The following ROBO1 variants were observed in gnomAD, a reference collection of about 807,000 sequenced individuals.
ROBO1 encodes roundabout guidance receptor 1.
A neutral mutation model predicts 195.9 loss-of-function variants in ROBO1; 149 were observed. That is an observed-to-expected ratio of 0.76 (90% CI 0.67 to 0.87). The LOEUF (loss-of-function observed/expected upper bound fraction) is 0.87, where lower values mean the gene tolerates loss of function less well. Ranked by LOEUF, ROBO1 falls within the 40% of genes least tolerant of loss-of-function variation. The pLI is 0.00. For missense variants in ROBO1, 1,933 were observed against 2,068.3 expected, an observed-to-expected ratio of 0.93 and a Z score of 1.27; for synonymous variants, 816 against 733.2, an observed-to-expected ratio of 1.11 and a Z score of -1.82.
chr3:78,868,566 T>C (rs534854169), intron 4 of ROBO1, among the ~76,000 whole-genome samples: 4 of 152,350 alleles, frequency 2.6e-5, no homozygotes, highest in Non-Finnish European at 5.9e-5. Context: ...TCACACACTT[T>C]AATCCATAAC....
At chr3:79,394,970 T>C (rs1228320963) in intron 2 of ROBO1, among the ~76,000 whole-genome samples, 1 of 152,118 alleles carries the variant, frequency 6.6e-6, no homozygotes, top group East Asian at 1.9e-4. Flanking sequence ...ATTAATTATT[T>C]CTGGAAGAAC....
intron 20 of ROBO1, among the ~76,000 whole-genome samples, chr3:78,647,321 CAAT>C (rs1347754968): frequency 6.6e-6 from 1 of 151,922 alleles, no homozygotes; most frequent in African/African-American, 2.4e-5. Flanking sequence ...CTGAAGTAGT[CAAT>C]AAGATCATTA....
chr3:78,772,962 C>T (rs1018554437), intron 4 of ROBO1, among the ~76,000 whole-genome samples: 1 of 151,952 alleles, frequency 6.6e-6, no homozygotes, highest in African/African-American at 2.4e-5. Flanking sequence ...ACCCTGAGGG[C>T]AAGAATTATG....
At chr3:79,655,409 A>G (rs1039652615) in intron 1 of ROBO1, among the ~76,000 whole-genome samples, 2 of 152,040 alleles carry the variant, frequency 1.3e-5, no homozygotes, top group Non-Finnish European at 2.9e-5. Flanking sequence ...CTAGAAATCT[A>G]TCTTCAAAAA....
intron 2 of ROBO1, among the ~76,000 whole-genome samples, chr3:79,441,522 T>A (rs1034242698): frequency 3.9e-5 from 6 of 152,138 alleles, no homozygotes; most frequent in Non-Finnish European, 7.4e-5. Context: ...GGCTAGAACA[T>A]GGAGCTTGAA....
chr3:78,939,786 T>C (rs1168057529), intron 3 of ROBO1, among the ~76,000 whole-genome samples: 1 of 151,390 alleles, frequency 6.6e-6, no homozygotes, highest in Non-Finnish European at 1.5e-5. Flanking sequence ...AATAATAATT[T>C]ATATTTTAAT....
At chr3:79,139,242 C>T (rs1489314571) in intron 2 of ROBO1, among the ~76,000 whole-genome samples, 1 of 152,004 alleles carries the variant, frequency 6.6e-6, no homozygotes, top group South Asian at 2.1e-4. Flanking sequence ...AATGGATAAG[C>T]CTGTGACCCA....
Position 78,661,878 on chromosome 3 carries a change from C to T in ROBO1, c.2088+115G>A. 1.6e-6 allele frequency: 2 copies of T among 1,212,484 alleles called. 1 individual carries two copies. The highest frequency in any genetic ancestry group is 3.1e-5 in the South Asian group (2 of 64,890). 75.1% of individuals were successfully genotyped at this position (1,212,484 alleles called of 1,614,324 possible). On this transcript the variant is annotated intron_variant, in intron 15 of 30. Coordinates refer to ENST00000464233, the MANE Select transcript of ROBO1 (RefSeq NM_002941.4). ...TAGCTACTGTAATAAACAGTGCTTA[C>T]ACTATAAAGTTATCATTAATGTACA...
chr3:79,415,542 A>G (rs2037965660), intron 2 of ROBO1, among the ~76,000 whole-genome samples: 1 of 152,126 alleles, frequency 6.6e-6, no homozygotes, highest in South Asian at 2.1e-4. Context: ...CTTGTCACAT[A>G]TTAGGATGAA....
intron 3 of ROBO1, among the ~76,000 whole-genome samples, chr3:79,022,020 G>A (rs2078113919): frequency 6.6e-6 from 1 of 152,102 alleles, no homozygotes; most frequent in Non-Finnish European, 1.5e-5. Flanking sequence ...CTAACTTTTG[G>A]CCAGCCCCCT....
chr3:79,125,480 C>A lies in ROBO1; in HGVS notation c.148G>T (p.Asp50Tyr). 1 of 1,613,636 alleles carries A rather than the reference C, an allele frequency of 6.2e-7. No individual in the cohort carries two copies. Among genetic ancestry groups the A allele is most frequent in the Non-Finnish European group, 8.5e-7 (1 of 1,179,750 alleles). The change falls in exon 3 of 31, where the codon GAT (aspartate) becomes TAT (tyrosine). Residue 50 changes from aspartate to tyrosine, a missense_variant. Physicochemically the swap from Asp to Tyr is radical, Grantham distance 160 (BLOSUM62 -3). Around this residue, in one of 3 missense-constraint regions of ROBO1, gnomAD observed 185 missense variants for 159.5 expected, o/e 1.16. Coordinates refer to ENST00000464233, the MANE Select transcript of ROBO1 (RefSeq NM_002941.4). ...HGTPIPTSDN[D>Y]DNSLGYTGSR... ...CCTGTATAGCCCAGCGAATTGTCAT[C>A]GTTATCAGAGGTGGGGATTGGCGTC...
chr3:79,736,717 A>G (rs1379235086), intron 1 of ROBO1, among the ~76,000 whole-genome samples: 1 of 152,216 alleles, frequency 6.6e-6, no homozygotes, highest in Non-Finnish European at 1.5e-5. Context: ...TACTTATGAT[A>G]AACTATCAAA....
chr3:79,052,090 C>G (rs528748905), intron 3 of ROBO1, among the ~76,000 whole-genome samples: 72 of 152,134 alleles, frequency 4.7e-4, no homozygotes, highest in African/African-American at 1.7e-3. Flanking sequence ...GCTTGTGGGG[C>G]CGGGCAGAAC....
intron 2 of ROBO1, among the ~76,000 whole-genome samples, chr3:79,570,627 A>G (rs1317286877): frequency 6.6e-6 from 1 of 152,208 alleles, no homozygotes; most frequent in Non-Finnish European, 1.5e-5. Context: ...ACAAAAATGC[A>G]AAGAATGTGC....
chr3:79,681,220 G>A (rs533341631), intron 1 of ROBO1, among the ~76,000 whole-genome samples: 1 of 151,916 alleles, frequency 6.6e-6, no homozygotes, highest in Non-Finnish European at 1.5e-5. Context: ...CAAAGATTTG[G>A]GTAGGAACGG....
chr3:79,504,151 T>G (rs997340209), intron 2 of ROBO1, among the ~76,000 whole-genome samples: 4 of 152,194 alleles, frequency 2.6e-5, no homozygotes, highest in Non-Finnish European at 5.9e-5. Flanking sequence ...TAATACTATA[T>G]GTAGCATTGG....
chr3:79,610,929 C>T (rs1224346638), intron 1 of ROBO1, among the ~76,000 whole-genome samples: 1 of 152,230 alleles, frequency 6.6e-6, no homozygotes, highest in African/African-American at 2.4e-5. Context: ...TATTCTTTAT[C>T]TCACTTGCAG....
intron 1 of ROBO1, among the ~76,000 whole-genome samples, chr3:79,619,610 C>T (rs1576128178): frequency 1.3e-5 from 2 of 152,126 alleles, no homozygotes; most frequent in African/African-American, 4.8e-5. Flanking sequence ...ACAACTTCCT[C>T]TTAGAGAGGT....
intron 1 of ROBO1, among the ~76,000 whole-genome samples, chr3:79,667,263 C>T (rs560548696): frequency 1.6e-4 from 25 of 151,894 alleles, no homozygotes; most frequent in Non-Finnish European, 3.2e-4. Flanking sequence ...CATAAAATAT[C>T]ATTTCTCCAG....
Sources: gnomAD v4.1 joint callset for allele counts (sites outside exome capture counted in the v4.1 genomes callset) on GRCh38, gnomAD v4.1.1 for gene constraint, gnomAD v4.1.1 regional missense constraint, MANE v1.5 for transcripts, NCBI Gene and HGNC (gene_info 2026-07-23, HGNC 2026-07-21) for gene names.